The following CYP3A4 variants were observed in gnomAD, a reference collection of about 807,000 sequenced individuals.
CYP3A4 encodes the protein cytochrome P450 3A4.
A neutral mutation model predicts 54.9 loss-of-function variants in CYP3A4; 41 were observed. That is an observed-to-expected ratio of 0.75 (90% CI 0.58 to 0.97). The LOEUF (loss-of-function observed/expected upper bound fraction) is 0.97, where lower values mean the gene tolerates loss of function less well. Ranked by LOEUF, CYP3A4 falls within the 50% of genes least tolerant of loss-of-function variation. The pLI is 0.00. For synonymous variants in CYP3A4, 179 were observed against 205.2 expected, an observed-to-expected ratio of 0.87 and a Z score of 1.09; for missense variants, 510 against 597.3, an observed-to-expected ratio of 0.85 and a Z score of 1.52.
chr7:99,783,577 C>T (rs1429804176), intron 1 of CYP3A4, among the ~76,000 whole-genome samples: 1 of 148,428 alleles, frequency 6.7e-6, no homozygotes, highest in Non-Finnish European at 1.5e-5. Context: ...TTGTAGCATC[C>T]AACACTTAAG....
At position 99,782,997 on chromosome 7, in the gene CYP3A4, T is replaced by C. The variant is rs1434302303; in HGVS notation, c.71+1014A>G. 3.3e-5 allele frequency among the ~76,000 whole-genome samples: 5 copies of C among 152,268 alleles called. No homozygotes were observed. In the East Asian group the frequency reaches 5.8e-4, roughly 18 times the overall value. On this transcript the variant is annotated intron_variant, in intron 1 of 12. Coordinates refer to ENST00000651514, the MANE Select transcript of CYP3A4 (RefSeq NM_017460.6). The stretch of plus-strand genomic sequence containing the variant: ...TCACCTAGAAGGAACATGTTGGAAA[T>C]AGACTATCTCCAAAAAAATCTGGTT...
chr7:99,765,917 C>T (rs978624614), intron 9 of CYP3A4, among the ~76,000 whole-genome samples: 1 of 152,046 alleles, frequency 6.6e-6, no homozygotes, highest in Non-Finnish European at 1.5e-5. Context: ...TTTGGAACAG[C>T]GTGGCTCCTG....
intron 3 of CYP3A4, among the ~76,000 whole-genome samples, chr7:99,775,055 A>G (rs1815728272): frequency 6.6e-6 from 1 of 152,200 alleles, no homozygotes; most frequent in African/African-American, 2.4e-5. Context: ...ATAGACAAAC[A>G]GAGAGCCAAA....
chr7:99,775,296 C>T (rs1490683207), intron 3 of CYP3A4, among the ~76,000 whole-genome samples: 16 of 152,242 alleles, frequency 1.1e-4, no homozygotes, highest in Non-Finnish European at 5.9e-5. Context: ...AATGCTATTT[C>T]CATCAAGCTA....
At chr7:99,776,696 G>A (rs1351370432) in intron 3 of CYP3A4, among the ~76,000 whole-genome samples, 1 of 152,122 alleles carries the variant, frequency 6.6e-6, no homozygotes, top group Non-Finnish European at 1.5e-5. Context: ...CTGTTGTTGG[G>A]TGGGGGGCTA....
At chr7:99,764,045 A>G (rs771309969) in intron 9 of CYP3A4, 30 bp from the exon 10 acceptor site, 1 of 1,613,484 alleles carries the variant, frequency 6.2e-7, no homozygotes, top group South Asian at 1.1e-5. Flanking sequence ...ATTTTAGGTA[A>G]ATCAGATCAA....
intron 9 of CYP3A4, among the ~76,000 whole-genome samples, chr7:99,765,079 T>A (rs191973999): frequency 2.3e-3 from 344 of 152,338 alleles, no homozygotes; most frequent in Non-Finnish European, 3.4e-3. Context: ...ACTTCTGTGA[T>A]GCAGTTATAA....
chr7:99,775,100 G>C (rs1032320637), intron 3 of CYP3A4, among the ~76,000 whole-genome samples: 10 of 152,072 alleles, frequency 6.6e-5, no homozygotes, highest in African/African-American at 2.2e-4. Flanking sequence ...TTACTACAAA[G>C]AGAATAAAAT....
At chr7:99,783,897 C>A in intron 1 of CYP3A4, 114 bp downstream of exon 1, 1 of 1,264,642 alleles carries the variant, frequency 7.9e-7, no homozygotes, top group African/African-American at 1.5e-5. Flanking sequence ...GTGTAAGCCA[C>A]CACGCCCGGC....
intron 4 of CYP3A4, among the ~76,000 whole-genome samples, chr7:99,770,983 G>A (rs904767202): frequency 2.6e-5 from 4 of 151,964 alleles, no homozygotes; most frequent in African/African-American, 4.8e-5. Context: ...ATTTGATAAA[G>A]AGAATCTACA....
intron 3 of CYP3A4, among the ~76,000 whole-genome samples, chr7:99,775,823 A>G (rs1401531118): frequency 6.6e-6 from 1 of 152,230 alleles, no homozygotes; most frequent in Non-Finnish European, 1.5e-5. Context: ...AATGGCAACA[A>G]AAGCCAAAAT....
chr7:99,760,059 T>C (rs549883169), intron 12 of CYP3A4, among the ~76,000 whole-genome samples: 3 of 152,116 alleles, frequency 2.0e-5, no homozygotes, highest in Admixed American at 2.0e-4. Flanking sequence ...ATGGTCTCGA[T>C]CTCCTGACCT....
chr7:99,761,261 G>A (rs1297801815), intron 11 of CYP3A4, among the ~76,000 whole-genome samples: 4 of 152,134 alleles, frequency 2.6e-5, no homozygotes, highest in African/African-American at 9.7e-5. Flanking sequence ...TTATATTCAG[G>A]GTGGTGATGT....
chr7:99,762,782 G>A (rs1187168950), intron 10 of CYP3A4, among the ~76,000 whole-genome samples: 1 of 152,146 alleles, frequency 6.6e-6, no homozygotes, highest in Admixed American at 6.5e-5. Flanking sequence ...GTTATAAAGA[G>A]GATAGAACCC....
intron 2 of CYP3A4, among the ~76,000 whole-genome samples, chr7:99,779,689 C>A (rs895853285): frequency 6.6e-6 from 1 of 152,148 alleles, no homozygotes; most frequent in Non-Finnish European, 1.5e-5. Flanking sequence ...TTCCTGGGAA[C>A]CTGCATAGAG....
At chr7:99,765,289 T>A (rs1168752381) in intron 9 of CYP3A4, among the ~76,000 whole-genome samples, 2 of 152,216 alleles carry the variant, frequency 1.3e-5, no homozygotes, top group Non-Finnish European at 2.9e-5. Context: ...ACTAGCCACA[T>A]ATCCAGTGCT....
chr7:99,775,860 A>C (rs1220324630), intron 3 of CYP3A4, among the ~76,000 whole-genome samples: 1 of 152,242 alleles, frequency 6.6e-6, no homozygotes, highest in Non-Finnish European at 1.5e-5. Flanking sequence ...ATTAAACTAA[A>C]GAGCTTCTAC....
chr7:99,761,123 A>C (rs1298479837), intron 11 of CYP3A4, 142 bp from the exon 12 acceptor site: 2 of 914,800 alleles, frequency 2.2e-6, no homozygotes, highest in African/African-American at 3.3e-5. Context: ...AAATCCTGCT[A>C]TGCTTATTTT....
Position 99,784,061 on chromosome 7 carries a change from C to T in CYP3A4, c.21G>A (p.Leu7=). The change falls in exon 1 of 13, where the codon TTG becomes TTA. Residue 7 remains leucine, a synonymous_variant. Coordinates refer to ENST00000651514, the MANE Select transcript of CYP3A4 (RefSeq NM_017460.6). Reference sequence around the variant, plus strand: ...CCAGGAGAAGCCAGGTTTCCATGGCCAAGTCTGGGATGAGAGCCATCACTA... The same window carrying T: ...CCAGGAGAAGCCAGGTTTCCATGGCTAAGTCTGGGATGAGAGCCATCACTA... The part of the protein sequence containing the change: MALIPD[L]AMETWLLLAV... The T allele has an allele frequency of 6.2e-7, 1 of 1,613,982 alleles. No homozygotes were observed. Among genetic ancestry groups the T allele is most frequent in the Non-Finnish European group, 8.5e-7 (1 of 1,179,888 alleles).
Sources: gnomAD v4.1 joint callset for allele counts (sites outside exome capture counted in the v4.1 genomes callset) on GRCh38, gnomAD v4.1.1 for gene constraint, MANE v1.5 for transcripts, NCBI Gene and HGNC (gene_info 2026-07-23, HGNC 2026-07-21) for gene names.